ECT2L: variants seen among roughly 807,000 people sequenced by gnomAD.
ECT2L encodes epithelial cell transforming 2 like, also known as epithelial cell-transforming sequence 2 oncogene-like.
ECT2L carries 126 observed loss-of-function variants against 122.8 expected under a neutral mutation model. The ratio of observed to expected loss-of-function variants is 1.03; its 90% CI spans 0.89 to 1.19. The LOEUF is 1.19. ECT2L is among the 50% of genes most tolerant of loss of function. The pLI is 0.00. For missense variants in ECT2L, 1,012 were observed against 1,064.1 expected, an observed-to-expected ratio of 0.95 and a Z score of 0.68; for synonymous variants, 385 against 381.8, an observed-to-expected ratio of 1.01 and a Z score of -0.10.
At chr6:138,870,474 G>A (rs1778213475) in intron 13 of ECT2L, among the ~76,000 whole-genome samples, 1 of 151,888 alleles carries the variant, frequency 6.6e-6, no homozygotes, top group African/African-American at 2.4e-5. Context: ...ACTAAAATAG[G>A]GTGTTTTGTA....
chr6:138,883,451 C>T (rs1371668435), intron 16 of ECT2L, among the ~76,000 whole-genome samples: 1 of 152,204 alleles, frequency 6.6e-6, no homozygotes, highest in African/African-American at 2.4e-5. Context: ...TAACATCCCT[C>T]TTTCTTCCCT....
intron 18 of ECT2L, among the ~76,000 whole-genome samples, chr6:138,886,429 A>G (rs890124326): frequency 2.6e-5 from 4 of 151,872 alleles, no homozygotes; most frequent in East Asian, 1.9e-4. Flanking sequence ...CTTTTTTGAG[A>G]CAGGGTCTGG....
intron 14 of ECT2L, among the ~76,000 whole-genome samples, chr6:138,878,306 T>TATACACACACACACACACACAC (rs139026623): frequency 1.3e-5 from 2 of 150,218 alleles, no homozygotes; most frequent in African/African-American, 4.9e-5. Context: ...CATATATATA[T>TATACACACACACACACACACAC]ACACACACAC....
At position 138,882,865 on chromosome 6, in the gene ECT2L, T is replaced by C; in HGVS notation, c.2022T>C (p.Ile674=). The stretch of plus-strand genomic sequence containing the variant: ...ATTACCCTGTCATTCTGAAAACTAT[T>C]GAGAAGGTAAATGAGTTTCAATTCC... ...FNNYPVILKT[I]EKCREMIPAF... The change falls in exon 16 of 22, where the codon ATT becomes ATC. Residue 674 remains isoleucine, a synonymous_variant. Transcript: ENST00000541398. The C allele has an allele frequency of 6.2e-7, 1 of 1,613,838 alleles. No homozygotes were observed. Among genetic ancestry groups the C allele is most frequent in the Admixed American group, 1.7e-5 (1 of 59,996 alleles).
intron 4 of ECT2L, among the ~76,000 whole-genome samples, chr6:138,819,002 G>A (rs983914681): frequency 6.6e-6 from 1 of 152,154 alleles, no homozygotes; most frequent in Non-Finnish European, 1.5e-5. Flanking sequence ...GAGAATCTTT[G>A]TCAGAGAGGA....
At chr6:138,886,565 G>C (rs1396283849) in intron 18 of ECT2L, among the ~76,000 whole-genome samples, 1 of 151,756 alleles carries the variant, frequency 6.6e-6, no homozygotes, top group Non-Finnish European at 1.5e-5. Flanking sequence ...GCGCCACCAT[G>C]CTTGGCTCTT....
At chr6:138,845,345 C>T (rs1329480135) in intron 7 of ECT2L, among the ~76,000 whole-genome samples, 5 of 151,506 alleles carry the variant, frequency 3.3e-5, no homozygotes, top group African/African-American at 1.2e-4. Flanking sequence ...TGGGTTCAAG[C>T]GATTCTTCTG....
At chr6:138,880,261 G>T (rs1475346277) in intron 14 of ECT2L, among the ~76,000 whole-genome samples, 1 of 152,170 alleles carries the variant, frequency 6.6e-6, no homozygotes, top group Non-Finnish European at 1.5e-5. Context: ...GGAAGTCTAA[G>T]ATCAAGATGC....
rs1481934941 is a variant in ECT2L, at chr6:138,841,339, T to A, written c.343-1640T>A. Among the ~76,000 whole-genome samples, 3 of 152,204 alleles carry A rather than the reference T, an allele frequency of 2.0e-5. No homozygotes were observed. The East Asian group carries it at 5.8e-4, about 29-fold the overall frequency. On this transcript the variant is annotated intron_variant, in intron 5 of 21. Coordinates refer to ENST00000541398, the MANE Select transcript of ECT2L (RefSeq NM_001077706.3). ...TACAAAATTAATGTGATCCTTTGAG[T>A]CTCTGGGTGATGTTTTCTTCCTCCA...
At chr6:138,884,560 C>T (rs1299358168) in intron 16 of ECT2L, among the ~76,000 whole-genome samples, 3 of 152,014 alleles carry the variant, frequency 2.0e-5, no homozygotes, top group Non-Finnish European at 4.4e-5. Context: ...ATCGCTTGAA[C>T]CTGGGAGGCA....
intron 20 of ECT2L, among the ~76,000 whole-genome samples, chr6:138,889,518 C>T (rs1318306772): frequency 1.3e-5 from 2 of 152,106 alleles, no homozygotes; most frequent in African/African-American, 4.8e-5. Flanking sequence ...TGGGGTTTCA[C>T]CATGTTGGCC....
intron 9 of ECT2L, among the ~76,000 whole-genome samples, chr6:138,853,269 AT>A (rs1054754795): frequency 1.3e-5 from 2 of 152,002 alleles, no homozygotes; most frequent in Non-Finnish European, 2.9e-5. Flanking sequence ...CCTGGCCCTT[AT>A]TTTGTTTTTC....
At chr6:138,823,989 G>GA (rs1398946798) in intron 4 of ECT2L, among the ~76,000 whole-genome samples, 1 of 143,980 alleles carries the variant, frequency 6.9e-6, no homozygotes, top group East Asian at 2.0e-4. Context: ...TACAAAACAT[G>GA]AAAATTAAAA....
chr6:138,846,674 T>G lies in ECT2L; in HGVS notation c.900T>G (p.Tyr300Ter). ...FMLISSRIPA[Y>*]EMVMESVKAG... ...TAATATCATCCCGGATTCCTGCGTA[T>G]GAGGTAGAGTATGTTATGAGGCCAG... Residue 300 changes from tyrosine to a stop codon, truncating the protein, a stop_gained, in exon 8 of 22, where the codon TAT (tyrosine) becomes TAG (stop). Transcript: ENST00000541398. LOFTEE classifies it high-confidence loss of function. 1 of 1,593,344 alleles carries G rather than the reference T, an allele frequency of 6.3e-7. No individual in the cohort carries two copies. Among genetic ancestry groups the G allele is most frequent in the Non-Finnish European group, 8.5e-7 (1 of 1,171,820 alleles).
intron 1 of ECT2L, among the ~76,000 whole-genome samples, chr6:138,799,697 C>T (rs1291850817): frequency 6.6e-6 from 1 of 152,146 alleles, no homozygotes; most frequent in Non-Finnish European, 1.5e-5. Flanking sequence ...CTAGCTAGGA[C>T]TACAGGTGAA....
At chr6:138,820,491 CATT>C in intron 4 of ECT2L, among the ~76,000 whole-genome samples, 1 of 152,170 alleles carries the variant, frequency 6.6e-6, no homozygotes, top group Middle Eastern at 3.4e-3. Context: ...TTGATAACAT[CATT>C]GATTCCTTGA....
At chr6:138,884,352 T>C (rs1014043310) in intron 16 of ECT2L, among the ~76,000 whole-genome samples, 1 of 152,068 alleles carries the variant, frequency 6.6e-6, no homozygotes, top group Non-Finnish European at 1.5e-5. Context: ...AAAACAGATA[T>C]TAAGGCTCAG....
At chr6:138,851,022 A>AG (rs1777429658) in intron 9 of ECT2L, among the ~76,000 whole-genome samples, 1 of 142,368 alleles carries the variant, frequency 7.0e-6, no homozygotes, top group Non-Finnish European at 1.5e-5. Flanking sequence ...AAAAAAAAAA[A>AG]AGAGAAAGAG....
intron 14 of ECT2L, among the ~76,000 whole-genome samples, chr6:138,877,599 T>A (rs1399204063): frequency 6.6e-6 from 1 of 152,220 alleles, no homozygotes. Flanking sequence ...TTTACCTTAT[T>A]AGATATGTCT....
Sources: gnomAD v4.1 joint callset for allele counts (sites outside exome capture counted in the v4.1 genomes callset) on GRCh38, gnomAD v4.1.1 for gene constraint, MANE v1.5 for transcripts, NCBI Gene and HGNC (gene_info 2026-07-23, HGNC 2026-07-21) for gene names.